The following MAP2K1 variants were observed in gnomAD, a reference collection of about 807,000 sequenced individuals.
MAP2K1 encodes the protein mitogen-activated protein kinase kinase 1, also known as dual specificity mitogen-activated protein kinase kinase 1.
In MAP2K1, 16 loss-of-function variants were observed where a neutral mutation model predicts 46.3. The observed-to-expected ratio is 0.35, with a 90% confidence interval of 0.23 to 0.52. The LOEUF is 0.52. MAP2K1 is among the 20% of genes least tolerant of loss of function. The pLI, the probability that MAP2K1 is intolerant of heterozygous loss-of-function variation, is 0.94. For synonymous variants in MAP2K1, 183 were observed against 185.6 expected (o/e 0.99, Z 0.11); for missense variants, 263 against 497.1 (o/e 0.53, Z 4.48).
At chr15:66,486,483 C>T (rs535345458) in intron 7 of MAP2K1, among the ~76,000 whole-genome samples, 5 of 152,112 alleles carry the variant, frequency 3.3e-5, no homozygotes, top group Non-Finnish European at 5.9e-5. Flanking sequence ...TTTGTGATCA[C>T]GACTATAATC....
intron 1 of MAP2K1, among the ~76,000 whole-genome samples, chr15:66,416,956 G>C (rs1488792442): frequency 6.6e-6 from 1 of 152,104 alleles, no homozygotes; most frequent in Admixed American, 6.6e-5. Context: ...ACGTAATTCA[G>C]CTCTCCAGCT....
At chr15:66,414,014 TATC>T (rs1186900001) in intron 1 of MAP2K1, among the ~76,000 whole-genome samples, 3 of 151,786 alleles carry the variant, frequency 2.0e-5, no homozygotes, top group Non-Finnish European at 4.4e-5. Context: ...TCGTGGCTCT[TATC>T]ATCATCTTAG....
chr15:66,391,040 T>C (rs879515707), intron 1 of MAP2K1, among the ~76,000 whole-genome samples: 4 of 147,808 alleles, frequency 2.7e-5, no homozygotes, highest in Non-Finnish European at 5.9e-5. Context: ...CTCTTTGTCA[T>C]GTCACCTGAG....
At chr15:66,412,965 G>A (rs945596859) in intron 1 of MAP2K1, among the ~76,000 whole-genome samples, 4 of 151,696 alleles carry the variant, frequency 2.6e-5, no homozygotes, top group Non-Finnish European at 4.4e-5. Context: ...GCGTGATCTC[G>A]GCTCACTGCA....
intron 1 of MAP2K1, chr15:66,415,295 A>G: frequency 3.0e-6 from 1 of 336,648 alleles, no homozygotes; most frequent in East Asian, 9.7e-5. Flanking sequence ...ATCAGGGCCC[A>G]CTGTGAATAA....
intron 5 of MAP2K1, among the ~76,000 whole-genome samples, chr15:66,473,493 G>A (rs867490979): frequency 1.8e-4 from 28 of 152,092 alleles, no homozygotes; most frequent in South Asian, 1.2e-3. Flanking sequence ...AGGCTGCAGT[G>A]AGCCATGATC....
At chr15:66,427,813 A>C (rs2093463030) in intron 1 of MAP2K1, among the ~76,000 whole-genome samples, 1 of 152,016 alleles carries the variant, frequency 6.6e-6, no homozygotes, top group Admixed American at 6.6e-5. Flanking sequence ...CAGGAGTTAG[A>C]GACCAGCCTG....
intron 1 of MAP2K1, among the ~76,000 whole-genome samples, chr15:66,398,930 G>A (rs953766099): frequency 1.3e-5 from 2 of 152,038 alleles, no homozygotes; most frequent in African/African-American, 4.8e-5. Context: ...GTGCTACCAT[G>A]CCCAGCTAAT....
At chr15:66,398,616 C>T (rs565126221) in intron 1 of MAP2K1, among the ~76,000 whole-genome samples, 12 of 151,694 alleles carry the variant, frequency 7.9e-5, no homozygotes, top group Non-Finnish European at 1.5e-4. Context: ...TGTACCACTG[C>T]ACACCAGCCT....
At chr15:66,454,689 G>C (rs907171057) in intron 5 of MAP2K1, among the ~76,000 whole-genome samples, 1 of 152,102 alleles carries the variant, frequency 6.6e-6, no homozygotes, top group Non-Finnish European at 1.5e-5. Flanking sequence ...TTTGAGACCA[G>C]CCTGGCCAAC....
intron 1 of MAP2K1, among the ~76,000 whole-genome samples, chr15:66,410,696 C>G (rs2093409228): frequency 6.6e-6 from 1 of 152,176 alleles, no homozygotes; most frequent in Non-Finnish European, 1.5e-5. Context: ...GCCTTGGAAG[C>G]TCAGCAACTG....
chr15:66,390,858 C>T (rs1321958982), intron 1 of MAP2K1, among the ~76,000 whole-genome samples: 2 of 152,098 alleles, frequency 1.3e-5, no homozygotes, highest in Non-Finnish European at 2.9e-5. Flanking sequence ...AGTCCTCTTT[C>T]ACTTCCTCTA....
intron 5 of MAP2K1, among the ~76,000 whole-genome samples, chr15:66,469,472 C>CCT (rs1892555717): frequency 2.6e-5 from 2 of 76,608 alleles, no homozygotes; most frequent in Non-Finnish European, 4.5e-5. Flanking sequence ...CTGGTGCCTC[C>CCT]TTTTTTTTTT....
chr15:66,474,986 C>T (rs1228314827), intron 5 of MAP2K1, among the ~76,000 whole-genome samples: 2 of 151,954 alleles, frequency 1.3e-5, no homozygotes, highest in Non-Finnish European at 2.9e-5. Flanking sequence ...CTTCTTAGGT[C>T]TGCTAGGCTC....
At chr15:66,427,264 A>C (rs1395139690) in intron 1 of MAP2K1, among the ~76,000 whole-genome samples, 4 of 152,158 alleles carry the variant, frequency 2.6e-5, no homozygotes, top group Non-Finnish European at 2.9e-5. Flanking sequence ...ATTAGTTAAA[A>C]AGAATAACAT....
chr15:66,389,196 G>A (rs1468552394), intron 1 of MAP2K1, among the ~76,000 whole-genome samples: 3 of 152,088 alleles, frequency 2.0e-5, no homozygotes, highest in Admixed American at 6.5e-5. Flanking sequence ...ATGAGCCACC[G>A]TGCCCAGCCC....
chr15:66,396,042 C>G (rs1447431173), intron 1 of MAP2K1, among the ~76,000 whole-genome samples: 1 of 152,040 alleles, frequency 6.6e-6, no homozygotes, highest in African/African-American at 2.4e-5. Context: ...GAGTCTCACT[C>G]TGTCCCCAGA....
At position 66,465,909 on chromosome 15, in the gene MAP2K1, CAGATAAGACTTTTTTTAA is replaced by C. The variant is rs566079295; in HGVS notation, c.569-15830_569-15813del. On this transcript the variant is annotated intron_variant, in intron 5 of 10. Transcript: ENST00000307102. ...GAACTTTGCTCTGTAGAAGGAATCT[CAGATAAGACTTTTTTTAA>C]AGATAAGACTTTTTTAAAGCTGAGC... Among the ~76,000 whole-genome samples the C allele has an allele frequency of 1.2e-4, 19 of 152,274 alleles. No homozygotes were observed. In the South Asian group the frequency reaches 3.9e-3, roughly 32 times the overall value.
At chr15:66,426,830 A>ATT (rs2093460324) in intron 1 of MAP2K1, among the ~76,000 whole-genome samples, 1 of 152,192 alleles carries the variant, frequency 6.6e-6, no homozygotes, top group African/African-American at 2.4e-5. Context: ...CCAGTGCTAA[A>ATT]ATTCTCTAAT....
Sources: allele counts gnomAD v4.1 joint callset (sites outside exome capture counted in the v4.1 genomes callset), GRCh38; gene constraint gnomAD v4.1.1; transcripts MANE v1.5; gene names NCBI Gene and HGNC (gene_info 2026-07-23, HGNC 2026-07-21).